WDR70: variants seen among roughly 807,000 people sequenced by gnomAD.
WDR70 encodes the protein WD repeat domain 70, also known as WD repeat-containing protein 70.
Under a neutral mutation model 88.6 loss-of-function variants are expected in WDR70, and 53 were observed. The ratio of observed to expected loss-of-function variants is 0.60; its 90% confidence interval spans 0.48 to 0.75. WDR70 has a LOEUF of 0.75. Among genes scored for constraint, WDR70 ranks in the 30% least tolerant of loss-of-function variants. The pLI, the probability that WDR70 is intolerant of heterozygous loss-of-function variation, is 0.00. For synonymous variants in WDR70, 280 were observed against 270.0 expected, an observed-to-expected ratio of 1.04 and a Z score of -0.36; for missense variants, 610 against 823.2, an observed-to-expected ratio of 0.74 and a Z score of 3.17.
At position 37,604,025 on chromosome 5, in the gene WDR70, A is replaced by G. The variant is rs1011751503; in HGVS notation, c.918-1039A>G. Reference sequence around the variant, plus strand: ...CATTGTTTTTTACCATTTTTGCTTTACATCAATTTATTTTTTAAAGAGATC... The same window carrying G: ...CATTGTTTTTTACCATTTTTGCTTTGCATCAATTTATTTTTTAAAGAGATC... On this transcript the variant is annotated intron_variant, in intron 9 of 17. Coordinates refer to ENST00000265107, the MANE Select transcript of WDR70 (RefSeq NM_018034.4). Among the ~76,000 whole-genome samples, 4 of 152,252 alleles carry G rather than the reference A, an allele frequency of 2.6e-5. No individual in the cohort carries two copies. In the East Asian group the frequency reaches 5.8e-4, roughly 22 times the overall value.
chr5:37,708,375 T>C (rs1352215213), intron 13 of WDR70, among the ~76,000 whole-genome samples: 1 of 151,896 alleles, frequency 6.6e-6, no homozygotes, highest in Non-Finnish European at 1.5e-5. Context: ...TTCAAGTTGA[T>C]TGAAAAGGCC....
At chr5:37,444,417 C>A (rs1337080516) in intron 7 of WDR70, among the ~76,000 whole-genome samples, 1 of 145,398 alleles carries the variant, frequency 6.9e-6, no homozygotes, top group Non-Finnish European at 1.5e-5. Flanking sequence ...TGGCTCACTG[C>A]AACCTCTGCT....
At chr5:37,543,284 G>T (rs542433990) in intron 9 of WDR70, among the ~76,000 whole-genome samples, 2 of 152,114 alleles carry the variant, frequency 1.3e-5, no homozygotes, top group Non-Finnish European at 2.9e-5. Flanking sequence ...TTAAGCTATT[G>T]AATTTTGGGA....
chr5:37,552,408 T>A (rs1742172485), intron 9 of WDR70, among the ~76,000 whole-genome samples: 1 of 152,234 alleles, frequency 6.6e-6, no homozygotes, highest in South Asian at 2.1e-4. Flanking sequence ...ACTACATTAA[T>A]TTAATCCTGA....
intron 8 of WDR70, among the ~76,000 whole-genome samples, chr5:37,503,329 G>A (rs1370077090): frequency 6.6e-6 from 1 of 152,000 alleles, no homozygotes; most frequent in Non-Finnish European, 1.5e-5. Flanking sequence ...GTAAACGTGT[G>A]TTATGGGGAT....
In WDR70 at chr5:37,524,829, C is replaced by G. The variant is rs1741210218; in HGVS notation, c.917+8239C>G. ...AAAACAAAAAGGTAGGGGTTGGAAT[C>G]CTAGTCTCTGATAAAACAGACATTA... On this transcript the variant is annotated intron_variant, in intron 9 of 17. Transcript: ENST00000265107. Among the ~76,000 whole-genome samples the G allele has an allele frequency of 2.0e-5, 3 of 152,070 alleles. No individual in the cohort carries two copies. In the South Asian group the frequency reaches 6.2e-4, roughly 32 times the overall value.
chr5:37,483,244 C>T (rs1340708415), intron 8 of WDR70, among the ~76,000 whole-genome samples: 3 of 151,736 alleles, frequency 2.0e-5, no homozygotes, highest in Non-Finnish European at 4.4e-5. Context: ...GCAGAGGACC[C>T]TGCGGCCTTC....
At chr5:37,519,550 C>T (rs567882456) in intron 9 of WDR70, among the ~76,000 whole-genome samples, 3 of 135,930 alleles carry the variant, frequency 2.2e-5, no homozygotes, top group Non-Finnish European at 3.1e-5. Context: ...GGGGCGGAGG[C>T]GCTCCTCACC....
At chr5:37,615,523 AG>A (rs1744313188) in intron 10 of WDR70, among the ~76,000 whole-genome samples, 1 of 152,194 alleles carries the variant, frequency 6.6e-6, no homozygotes, top group African/African-American at 2.4e-5. Flanking sequence ...GTTAGTGCAA[AG>A]GGACGTCATC....
intron 10 of WDR70, among the ~76,000 whole-genome samples, chr5:37,689,900 TAAC>T (rs1383216003): frequency 6.6e-6 from 1 of 151,928 alleles, no homozygotes; most frequent in Non-Finnish European, 1.5e-5. Flanking sequence ...AGGTCGGTAA[TAAC>T]AAACTTCTCC....
intron 8 of WDR70, among the ~76,000 whole-genome samples, chr5:37,499,895 A>C (rs1277959196): frequency 6.6e-6 from 1 of 152,122 alleles, no homozygotes; most frequent in Non-Finnish European, 1.5e-5. Flanking sequence ...AAAAATTCTA[A>C]CAAATTCTAA....
chr5:37,390,717 GT>G (rs560301932), intron 3 of WDR70, among the ~76,000 whole-genome samples: 98 of 132,402 alleles, frequency 7.4e-4, no homozygotes, highest in Admixed American at 8.4e-4. Context: ...AAAAAGTGCT[GT>G]TTTTTTTTTT....
At position 37,722,881 on chromosome 5, in the gene WDR70, C is replaced by G; in HGVS notation, c.1544C>G (p.Thr515Ser). The G allele has an allele frequency of 6.2e-7, 1 of 1,613,586 alleles. No individual in the cohort carries two copies. The highest frequency in any genetic ancestry group is 8.5e-7 in the Non-Finnish European group (1 of 1,179,666). ...GGAGCAAAATTATGTGTGGTTAAAA[C>G]CCAGCGGAAGGCAAAACAAGCTGAG... The part of the protein sequence containing the change: ...QRGAKLCVVK[T>S]QRKAKQAETL... The change falls in exon 15 of 18, where the codon ACC becomes AGC. Residue 515 changes from threonine (T) to serine (S), a missense_variant. Around this residue, in one of 4 missense-constraint regions of WDR70, gnomAD observed 254 missense variants for 300.7 expected, o/e 0.84. Transcript: ENST00000265107.
chr5:37,446,161 C>A (rs1343862680), intron 7 of WDR70, among the ~76,000 whole-genome samples: 1 of 152,064 alleles, frequency 6.6e-6, no homozygotes, highest in Non-Finnish European at 1.5e-5. Context: ...ACACAGAGAA[C>A]CAAATCACGA....
At chr5:37,629,073 C>A (rs1183763156) in intron 10 of WDR70, among the ~76,000 whole-genome samples, 1 of 152,172 alleles carries the variant, frequency 6.6e-6, no homozygotes, top group Non-Finnish European at 1.5e-5. Context: ...GGTTTCCCCA[C>A]CCCTGCTTTC....
intron 10 of WDR70, among the ~76,000 whole-genome samples, chr5:37,616,354 C>T (rs982811378): frequency 2.6e-5 from 4 of 152,240 alleles, no homozygotes; most frequent in Admixed American, 6.5e-5. Context: ...GTGATCCACC[C>T]GCCTCAGCTT....
At chr5:37,632,676 A>G (rs1324070694) in intron 10 of WDR70, among the ~76,000 whole-genome samples, 1 of 152,240 alleles carries the variant, frequency 6.6e-6, no homozygotes, top group Non-Finnish European at 1.5e-5. Flanking sequence ...TTATTATAAA[A>G]GTTTTAAAAA....
intron 10 of WDR70, among the ~76,000 whole-genome samples, chr5:37,668,512 T>C (rs1465723298): frequency 6.6e-6 from 1 of 152,246 alleles, no homozygotes; most frequent in Non-Finnish European, 1.5e-5. Context: ...ATATACCAAC[T>C]GGTCTCAACT....
At chr5:37,538,032 A>C (rs1042644314) in intron 9 of WDR70, among the ~76,000 whole-genome samples, 1 of 152,124 alleles carries the variant, frequency 6.6e-6, no homozygotes, top group Non-Finnish European at 1.5e-5. Flanking sequence ...TCTGCTTTTC[A>C]TTGCTTTATC....
Sources: allele counts gnomAD v4.1 joint callset (sites outside exome capture counted in the v4.1 genomes callset), GRCh38; gene constraint gnomAD v4.1.1; regional missense constraint gnomAD v4.1.1; transcripts MANE v1.5; gene names NCBI Gene and HGNC (gene_info 2026-07-23, HGNC 2026-07-21).